The following TSHZ3 variants were observed in gnomAD, a reference collection of about 807,000 sequenced individuals.
The protein encoded by TSHZ3 is teashirt zinc finger homeobox 3.
In TSHZ3, 10 loss-of-function variants were observed where a neutral mutation model predicts 64.5. That is an observed-to-expected ratio of 0.16 (90% CI 0.10 to 0.26). TSHZ3 has a LOEUF of 0.26. TSHZ3 is among the 10% of genes least tolerant of loss of function. TSHZ3 has a pLI of 1.00. For missense variants in TSHZ3, 1,242 were observed against 1,421.7 expected (o/e 0.87, Z 2.03); for synonymous variants, 608 against 593.1 (o/e 1.03, Z -0.36).
At chr19:31,294,704 G>A (rs1976633611) in intron 1 of TSHZ3, among the ~76,000 whole-genome samples, 2 of 152,028 alleles carry the variant, frequency 1.3e-5, no homozygotes. Context: ...TGACTGGTTG[G>A]CATCACAATA....
Position 31,215,916 on chromosome 19 carries a change from T to C in TSHZ3, n.687-10838A>G, listed in dbSNP as rs527763681. Among the ~76,000 whole-genome samples the C allele has an allele frequency of 2.0e-3, 299 of 151,904 alleles. 2 individuals carry two copies. The highest frequency in any genetic ancestry group is 6.7e-3 in the African/African-American group (280 of 41,534). On this transcript the variant is annotated intron_variant and non_coding_transcript_variant, in intron 4 of 6. Coordinates refer to the TSHZ3 transcript ENST00000651361. Reference sequence around the variant, plus strand: ...TTTTTTCTATATATAGGATCTATAGTAGAGTTTTCCAATTGGCTTAAAAAA... The same window carrying C: ...TTTTTTCTATATATAGGATCTATAGCAGAGTTTTCCAATTGGCTTAAAAAA...
intron 1 of TSHZ3, among the ~76,000 whole-genome samples, chr19:31,263,309 A>T (rs1196644248): frequency 6.6e-6 from 1 of 152,204 alleles, no homozygotes; most frequent in Non-Finnish European, 1.5e-5. Flanking sequence ...TGGAGGAAGG[A>T]CAAAGAAATG....
At chr19:31,284,204 TGA>T (rs1976414386) in intron 1 of TSHZ3, among the ~76,000 whole-genome samples, 1 of 151,964 alleles carries the variant, frequency 6.6e-6, no homozygotes, top group African/African-American at 2.4e-5. Flanking sequence ...TTCAAGTAGG[TGA>T]GTGGGGGGTC....
intron 1 of TSHZ3, among the ~76,000 whole-genome samples, chr19:31,294,868 T>G (rs953788806): frequency 1.3e-5 from 2 of 152,162 alleles, no homozygotes; most frequent in Non-Finnish European, 2.9e-5. Flanking sequence ...AGAAACAATA[T>G]AATAATGAGA....
At chr19:31,200,937 G>A (rs1975075315) in intron 5 of TSHZ3, among the ~76,000 whole-genome samples, 1 of 151,954 alleles carries the variant, frequency 6.6e-6, no homozygotes, top group Non-Finnish European at 1.5e-5. Flanking sequence ...ATGATGAAGT[G>A]GGCTTTCAAA....
chr19:31,207,985 A>G (rs993877534), intron 4 of TSHZ3, among the ~76,000 whole-genome samples: 1 of 152,214 alleles, frequency 6.6e-6, no homozygotes, highest in Non-Finnish European at 1.5e-5. Flanking sequence ...AACCTTTATC[A>G]TAAGTGCAAC....
chr19:31,223,494 C>A (rs1186579432), intron 4 of TSHZ3, among the ~76,000 whole-genome samples: 2 of 151,774 alleles, frequency 1.3e-5, no homozygotes, highest in Admixed American at 6.6e-5. Context: ...GCTAAGTGTT[C>A]TGTGGATTTT....
rs551530915 is a variant in TSHZ3 at position 31,267,010 on chromosome 19, G to T, written n.64-24135C>A. Among the ~76,000 whole-genome samples, 3 of 152,338 alleles carry T rather than the reference G, an allele frequency of 2.0e-5. No individual in the cohort carries two copies. The East Asian group carries it at 5.8e-4, about 30-fold the overall frequency. Reference sequence around the variant, plus strand: ...GCCCACTTCAAGTTTCAGGGTTTGAGCCTTGCAATTTCACTTTGTTTTCTG... The same window carrying T: ...GCCCACTTCAAGTTTCAGGGTTTGATCCTTGCAATTTCACTTTGTTTTCTG... On this transcript the variant is annotated intron_variant and non_coding_transcript_variant, in intron 1 of 6. Coordinates refer to the TSHZ3 transcript ENST00000651361.
intron 1 of TSHZ3, among the ~76,000 whole-genome samples, chr19:31,266,143 C>A (rs956419514): frequency 2.6e-5 from 4 of 152,200 alleles, no homozygotes; most frequent in Non-Finnish European, 4.4e-5. Context: ...GAGCCCATGT[C>A]CCCCTACACT....
chr19:31,255,345 G>A (rs1975895971), intron 1 of TSHZ3, among the ~76,000 whole-genome samples: 1 of 152,092 alleles, frequency 6.6e-6, no homozygotes, highest in Non-Finnish European at 1.5e-5. Flanking sequence ...GGAGTGGGAG[G>A]CAGCCTGGAT....
At chr19:31,219,288 C>T (rs190243014) in intron 4 of TSHZ3, among the ~76,000 whole-genome samples, 17 of 152,268 alleles carry the variant, frequency 1.1e-4, no homozygotes, top group Non-Finnish European at 2.1e-4. Flanking sequence ...GACCTATGAC[C>T]TCTGTATCAG....
intron 5 of TSHZ3, among the ~76,000 whole-genome samples, chr19:31,175,630 G>A (rs1326613673): frequency 6.6e-6 from 1 of 152,312 alleles, no homozygotes; most frequent in Non-Finnish European, 1.5e-5. Context: ...TTCAGGAAAG[G>A]GAGCACATCC....
At chr19:31,225,267 G>T (rs1236455759) in intron 4 of TSHZ3, among the ~76,000 whole-genome samples, 1 of 152,184 alleles carries the variant, frequency 6.6e-6, no homozygotes, top group Non-Finnish European at 1.5e-5. Flanking sequence ...CGGTGGAGAT[G>T]TGACAATCTC....
intron 1 of TSHZ3, among the ~76,000 whole-genome samples, chr19:31,339,802 A>G (rs1917371520): frequency 1.3e-5 from 2 of 151,142 alleles, no homozygotes; most frequent in Non-Finnish European, 2.9e-5. Context: ...AAAGGAAAAA[A>G]AAAAGGGGGG....
chr19:31,286,891 C>T (rs951116202), intron 1 of TSHZ3, among the ~76,000 whole-genome samples: 4 of 152,178 alleles, frequency 2.6e-5, no homozygotes, highest in Admixed American at 1.3e-4. Flanking sequence ...GCTGGCCCAC[C>T]GTGGCCATCA....
chr19:31,281,352 G>A (rs1259648455), intron 1 of TSHZ3, among the ~76,000 whole-genome samples: 1 of 152,120 alleles, frequency 6.6e-6, no homozygotes, highest in Non-Finnish European at 1.5e-5. Context: ...CCTACTTTGA[G>A]TGCCAAGATT....
At chr19:31,198,341 G>A (rs1432050018) in intron 5 of TSHZ3, among the ~76,000 whole-genome samples, 3 of 152,106 alleles carry the variant, frequency 2.0e-5, no homozygotes, top group African/African-American at 7.2e-5. Flanking sequence ...ATAGTTAATG[G>A]AGAGAAACTC....
Position 31,277,555 on chromosome 19 carries a change from G to A in TSHZ3, c.2238C>T (p.Pro746=). 2 of 1,601,614 alleles carry A rather than the reference G, an allele frequency of 1.2e-6. No individual in the cohort carries two copies. Among genetic ancestry groups the A allele is most frequent in the Non-Finnish European group, 1.7e-6 (2 of 1,173,010 alleles). ...AAKPSLPALD[P]MSMLFKMSNS... ...TGCTCATCTTGAAAAGCATGCTCAT[G>A]GGGTCCAGGGCAGGCAGGGAGGGCT... Residue 746 remains proline (P), a synonymous_variant, in exon 2 of 2, where the codon CCC becomes CCT. Coordinates refer to ENST00000240587, the MANE Select transcript of TSHZ3 (RefSeq NM_020856.4). The surrounding 1 kb of genome is among the most constrained non-coding windows in gnomAD (Gnocchi z 4.5).
chr19:31,341,845 C>G (rs1917449010), intron 1 of TSHZ3, among the ~76,000 whole-genome samples: 1 of 152,196 alleles, frequency 6.6e-6, no homozygotes, highest in Non-Finnish European at 1.5e-5. Flanking sequence ...CAATGGTCAC[C>G]TTTTCATAAT....
Sources: allele counts gnomAD v4.1 joint callset (sites outside exome capture counted in the v4.1 genomes callset), GRCh38; gene constraint gnomAD v4.1.1; non-coding constraint Gnocchi (gnomAD v3.1); transcripts MANE v1.5; gene names NCBI Gene and HGNC (gene_info 2026-07-23, HGNC 2026-07-21).